Variants in ERC1 observed in about 807,000 individuals in gnomAD.
The protein encoded by ERC1 is ELKS/RAB6-interacting/CAST family member 1.
Under a neutral mutation model 132.0 loss-of-function variants are expected in ERC1, and 56 were observed. That is an observed-to-expected ratio of 0.42 (90% confidence interval 0.34 to 0.53). The LOEUF is 0.53. Among genes scored for constraint, ERC1 ranks in the 20% least tolerant of loss-of-function variants. The probability of loss-of-function intolerance (pLI) is 0.03; values close to 1 mark genes in which losing one functional copy is unlikely to be tolerated. For synonymous variants in ERC1, 478 were observed against 476.1 expected, an observed-to-expected ratio of 1.00 and a Z score of -0.05; for missense variants, 1,202 against 1,349.9, an observed-to-expected ratio of 0.89 and a Z score of 1.72.
chr12:1,342,980 A>G (rs2084067558), intron 15 of ERC1, among the ~76,000 whole-genome samples: 1 of 152,232 alleles, frequency 6.6e-6, no homozygotes, highest in African/African-American at 2.4e-5. Flanking sequence ...AATAAATACC[A>G]GTATCTATGT....
chr12:1,298,833 G>T (rs1475127193), intron 15 of ERC1, among the ~76,000 whole-genome samples: 1 of 151,442 alleles, frequency 6.6e-6, no homozygotes, highest in East Asian at 1.9e-4. Context: ...ATAAACACTG[G>T]CTGGAATTAA....
Position 1,204,257 on chromosome 12 carries a change from C to CTTT in ERC1, c.2351+14215_2351+14217dup, listed in dbSNP as rs112909125. On this transcript the variant is annotated intron_variant, in intron 12 of 18. Coordinates refer to ENST00000360905, the MANE Select transcript of ERC1 (RefSeq NM_178040.4). ...CCAGGAAATGGTAAATTTTAGACAA[C>CTTT]TTTTTTTTTTTTGAGAAACTTTCAT... Among the ~76,000 whole-genome samples, 124 of 146,874 alleles carry CTTT rather than the reference C, an allele frequency of 8.4e-4. No homozygotes were observed. In the East Asian group the frequency reaches 0.022, roughly 26 times the overall value.
chr12:1,259,528 T>TTC (rs2077016192), intron 13 of ERC1, among the ~76,000 whole-genome samples: 1 of 139,006 alleles, frequency 7.2e-6, no homozygotes, highest in Non-Finnish European at 1.5e-5. Context: ...TTCTTTTTTT[T>TTC]TTTTTTTTTT....
At chr12:1,410,990 C>T (rs1043666779) in intron 17 of ERC1, among the ~76,000 whole-genome samples, 24 of 152,022 alleles carry the variant, frequency 1.6e-4, no homozygotes, top group Middle Eastern at 3.2e-3. Context: ...GTCAGCACCT[C>T]GGACACATCC....
At chr12:1,347,445 TA>T (rs942153930) in intron 15 of ERC1, among the ~76,000 whole-genome samples, 61 of 136,572 alleles carry the variant, frequency 4.5e-4, no homozygotes, top group African/African-American at 1.6e-3. Flanking sequence ...CTAATTAACA[TA>T]TCATTATCTC....
At chr12:1,069,177 T>C (rs1296803596) in intron 2 of ERC1, among the ~76,000 whole-genome samples, 1 of 152,160 alleles carries the variant, frequency 6.6e-6, no homozygotes, top group Admixed American at 6.5e-5. Flanking sequence ...GGTTTTTTTG[T>C]TTTGTTTTTA....
At chr12:1,091,636 C>G (rs1316746543) in intron 3 of ERC1, among the ~76,000 whole-genome samples, 1 of 152,196 alleles carries the variant, frequency 6.6e-6, no homozygotes. Flanking sequence ...AGAAAAAGTA[C>G]CTGCCTTTAT....
intron 17 of ERC1, among the ~76,000 whole-genome samples, chr12:1,411,018 A>G (rs1389363327): frequency 6.6e-6 from 1 of 152,104 alleles, no homozygotes; most frequent in Non-Finnish European, 1.5e-5. Flanking sequence ...CTTTGGCATT[A>G]CCCTCAAACT....
At chr12:1,108,962 G>A (rs765209734) in intron 4 of ERC1, among the ~76,000 whole-genome samples, 8 of 152,110 alleles carry the variant, frequency 5.3e-5, no homozygotes, top group Non-Finnish European at 1.0e-4. Flanking sequence ...AAATTATTGA[G>A]GTAAAGTAGA....
At position 1,037,566 on chromosome 12, in the gene ERC1, T is replaced by C. The variant is rs1217623980; in HGVS notation, c.669+8994T>C. 3.3e-5 allele frequency among the ~76,000 whole-genome samples: 5 copies of C among 152,192 alleles called. No individual in the cohort carries two copies. In the East Asian group the frequency reaches 9.6e-4, roughly 29 times the overall value. On this transcript the variant is annotated intron_variant, in intron 2 of 18. Transcript: ENST00000360905. ...CTTTATAAGAAATGGCTGAAGGAAC[T>C]CAAGAAGAGAAGACTTGCAACATTT...
At chr12:1,414,393 T>A (rs1354855708) in intron 17 of ERC1, among the ~76,000 whole-genome samples, 2 of 152,188 alleles carry the variant, frequency 1.3e-5, no homozygotes, top group Non-Finnish European at 2.9e-5. Flanking sequence ...TTTCTTTTTA[T>A]AAAGGCACTA....
At chr12:1,100,014 A>C (rs1358818043) in intron 3 of ERC1, among the ~76,000 whole-genome samples, 1 of 151,438 alleles carries the variant, frequency 6.6e-6, no homozygotes, top group African/African-American at 2.4e-5. Flanking sequence ...GGCCCAGCTA[A>C]TTTTTTTGTA....
Position 1,028,201 on chromosome 12 carries a change from T to TA in ERC1, c.299dup (p.Tyr100Ter), listed in dbSNP as rs1380672117. ...TLGRSGGRLPYGVRMTAMGSS... is the reference protein window; with the variant it reads ...TLGRSGGRLP ...TGGCCGTTCTGGGGGACGTCTGCCT[T>TA]ACGGTGTTCGGATGACTGCTATGGG... Residue 100 changes from tyrosine to a stop codon, truncating the protein, a stop_gained and frameshift_variant, in exon 2 of 19, where the codon TAC (tyrosine) becomes TAAC (stop). Coordinates refer to ENST00000360905, the MANE Select transcript of ERC1 (RefSeq NM_178040.4). LOFTEE classifies it high-confidence loss of function. The TA allele has an allele frequency of 6.2e-7, 1 of 1,614,184 alleles. No individual in the cohort carries two copies. The highest frequency in any genetic ancestry group is 1.3e-5 in the African/African-American group (1 of 75,058).
At chr12:1,048,097 A>AC (rs1226933425) in intron 2 of ERC1, among the ~76,000 whole-genome samples, 5 of 152,180 alleles carry the variant, frequency 3.3e-5, no homozygotes, top group African/African-American at 1.2e-4. Flanking sequence ...CACTTCCCAT[A>AC]CTAGAGGGCG....
chr12:1,242,132 C>A (rs1325454555), intron 13 of ERC1, among the ~76,000 whole-genome samples: 4 of 152,028 alleles, frequency 2.6e-5, no homozygotes, highest in Admixed American at 2.6e-4. Flanking sequence ...TAGGCGTAAG[C>A]CCAGCCTTTT....
intron 7 of ERC1, among the ~76,000 whole-genome samples, chr12:1,130,872 C>T (rs1348422811): frequency 2.0e-5 from 3 of 152,106 alleles, no homozygotes; most frequent in East Asian, 3.8e-4. Flanking sequence ...ATGGGAAATG[C>T]AGTCATAGGA....
chr12:1,195,722 T>C (rs895745184), intron 12 of ERC1, among the ~76,000 whole-genome samples: 1 of 151,868 alleles, frequency 6.6e-6, no homozygotes, highest in African/African-American at 2.4e-5. Context: ...CAAAGCAGAG[T>C]TGGAACTGAA....
chr12:1,346,713 C>A (rs1019525801), intron 15 of ERC1, among the ~76,000 whole-genome samples: 1 of 151,682 alleles, frequency 6.6e-6, no homozygotes, highest in Non-Finnish European at 1.5e-5. Flanking sequence ...GAGGCCGAGG[C>A]GGGTGGATCA....
chr12:1,282,374 T>G (rs577696552), intron 14 of ERC1, among the ~76,000 whole-genome samples: 2 of 152,188 alleles, frequency 1.3e-5, no homozygotes, highest in Non-Finnish European at 2.9e-5. Flanking sequence ...ATTTTGAGGC[T>G]TTAATGAGAC....
Sources: allele counts gnomAD v4.1 joint callset (sites outside exome capture counted in the v4.1 genomes callset), GRCh38; gene constraint gnomAD v4.1.1; transcripts MANE v1.5; gene names NCBI Gene and HGNC (gene_info 2026-07-23, HGNC 2026-07-21).